SLC44A3: variants seen among roughly 807,000 people sequenced by gnomAD.
The protein encoded by SLC44A3 is solute carrier family 44 member 3, also known as choline transporter-like protein 3.
A neutral mutation model predicts 75.4 loss-of-function variants in SLC44A3; 74 were observed. That is an observed-to-expected ratio of 0.98 (90% CI 0.81 to 1.19). The LOEUF is 1.19. Ranked by LOEUF, SLC44A3 falls within the 50% of genes most tolerant of loss-of-function variation. The pLI, the probability that SLC44A3 is intolerant of heterozygous loss-of-function variation, is 0.00. For synonymous variants in SLC44A3, 310 were observed against 296.9 expected (o/e 1.04, Z -0.45); for missense variants, 700 against 778.6 (o/e 0.90, Z 1.20).
chr1:94,894,010 G>A (rs1472882725), intron 14 of SLC44A3, among the ~76,000 whole-genome samples: 3 of 152,010 alleles, frequency 2.0e-5, no homozygotes, highest in Non-Finnish European at 4.4e-5. Flanking sequence ...CAGGAGAATC[G>A]CTTGAACCCG....
chr1:94,887,072 A>C (rs568995658), intron 12 of SLC44A3, among the ~76,000 whole-genome samples: 77 of 151,898 alleles, frequency 5.1e-4, no homozygotes, highest in Admixed American at 1.1e-3. Context: ...CAACCAATAA[A>C]ACGTGTTTCC....
At chr1:94,860,236 T>C (rs996542357) in intron 10 of SLC44A3, among the ~76,000 whole-genome samples, 1 of 152,062 alleles carries the variant, frequency 6.6e-6, no homozygotes, top group Non-Finnish European at 1.5e-5. Flanking sequence ...AAGAAGGGCA[T>C]AGTGAGAAAA....
At chr1:94,861,971 C>T (rs530870286) in intron 10 of SLC44A3, among the ~76,000 whole-genome samples, 47 of 152,252 alleles carry the variant, frequency 3.1e-4, no homozygotes, top group African/African-American at 1.1e-3. Context: ...TCCAGCTGCT[C>T]TATATCTACA....
rs115558339 is a variant in SLC44A3 at position 94,859,904 on chromosome 1, A to C, written c.1238+2404A>C. Among the ~76,000 whole-genome samples, 1,102 of 152,302 alleles carry C rather than the reference A, an allele frequency of 7.2e-3. 12 individuals are homozygous for C. Among genetic ancestry groups the C allele is most frequent in the African/African-American group, 0.025 (1,058 of 41,564 alleles). On this transcript the variant is annotated intron_variant, in intron 10 of 14. Coordinates refer to ENST00000271227, the MANE Select transcript of SLC44A3 (RefSeq NM_001114106.3). Reference sequence around the variant, plus strand: ...TGCCTAACCCAAAGTAAAGACCTACAGATAGTGCCATATGGGGTCCCCCAA... The same window carrying C: ...TGCCTAACCCAAAGTAAAGACCTACCGATAGTGCCATATGGGGTCCCCCAA...
chr1:94,852,624 A>G (rs1313649743), intron 9 of SLC44A3, among the ~76,000 whole-genome samples: 1 of 152,234 alleles, frequency 6.6e-6, no homozygotes, highest in Non-Finnish European at 1.5e-5. Context: ...TTTAAGCAGA[A>G]TAAAATCTTG....
In SLC44A3 at chr1:94,881,779, T is replaced by C. The variant is rs1669021959; in HGVS notation, c.1483-9351T>C. Among the ~76,000 whole-genome samples, 3 of 148,554 alleles carry C rather than the reference T, an allele frequency of 2.0e-5. No homozygotes were observed. The Admixed American group carries it at 2.0e-4, about 10-fold the overall frequency. ...CTGTAATCCCAGCACTTTGGGAGGCTGAGGCGGGTGGATCACAGGTCAAGA... is the reference window on the plus strand; with the variant it reads ...CTGTAATCCCAGCACTTTGGGAGGCCGAGGCGGGTGGATCACAGGTCAAGA... On this transcript the variant is annotated intron_variant, in intron 12 of 14. Coordinates refer to ENST00000271227, the MANE Select transcript of SLC44A3 (RefSeq NM_001114106.3).
At chr1:94,826,146 A>G (rs976183353) in intron 3 of SLC44A3, among the ~76,000 whole-genome samples, 3 of 152,196 alleles carry the variant, frequency 2.0e-5, no homozygotes, top group Non-Finnish European at 4.4e-5. Context: ...AAATACAAAC[A>G]TTGTATGATT....
intron 12 of SLC44A3, among the ~76,000 whole-genome samples, chr1:94,878,408 C>A (rs1668564452): frequency 6.6e-6 from 1 of 152,108 alleles, no homozygotes; most frequent in Non-Finnish European, 1.5e-5. Flanking sequence ...ATATGAGGAC[C>A]CGAACGCCCT....
chr1:94,888,769 AC>A (rs1331742428), intron 12 of SLC44A3: 1 of 930,210 alleles, frequency 1.1e-6, no homozygotes, highest in Non-Finnish European at 1.3e-6. Flanking sequence ...TCGCTCTGTC[AC>A]CCAGGTTGGA....
At chr1:94,841,551 C>T (rs902588078) in intron 7 of SLC44A3, among the ~76,000 whole-genome samples, 1 of 152,196 alleles carries the variant, frequency 6.6e-6, no homozygotes, top group African/African-American at 2.4e-5. Flanking sequence ...TTCCATGATT[C>T]CCACAGGCCG....
chr1:94,891,191 T>G lies in SLC44A3; in HGVS notation c.1544T>G (p.Phe515Cys), dbSNP rs1670169168. 6.2e-7 allele frequency: 1 copy of G among 1,613,482 alleles called. No homozygotes were observed. Among genetic ancestry groups the G allele is most frequent in the African/African-American group, 1.3e-5 (1 of 74,926 alleles). Residue 515 changes from phenylalanine to cysteine, a missense_variant, in exon 13 of 15, where the codon TTC becomes TGC. Physicochemically the swap from Phe to Cys is radical, Grantham distance 205. Coordinates refer to ENST00000271227, the MANE Select transcript of SLC44A3 (RefSeq NM_001114106.3). ...TDFCTSAKDA[F>C]KILSKNSSHF... ...TTCTGTACATCAGCAAAAGATGCAT[T>G]CAAAATCTTGTCCAAGAACTCAAGT...
At chr1:94,890,696 CTT>C (rs1159285765) in intron 12 of SLC44A3, among the ~76,000 whole-genome samples, 2 of 152,160 alleles carry the variant, frequency 1.3e-5, no homozygotes, top group Non-Finnish European at 1.5e-5. Flanking sequence ...TAAAAAATAA[CTT>C]ATCGCCAGGG....
rs1175992373 is a variant in SLC44A3, at chr1:94,891,226, T to C, written c.1579T>C (p.Ser527Pro). 5 of 1,613,472 alleles carry C rather than the reference T, an allele frequency of 3.1e-6. No individual in the cohort carries two copies. The Admixed American group carries it at 8.3e-5, about 27-fold the overall frequency. The change falls in exon 13 of 15, where the codon TCT becomes CCT. Residue 527 changes from serine to proline, a missense_variant. Ser to Pro is a moderately conservative substitution (Grantham distance 74). Transcript: ENST00000271227. ...ILSKNSSHFT[S>P]INCFGDFIIF... ...GTCCAAGAACTCAAGTCACTTTACA[T>C]CTATTAACTGCTTTGGAGACTTCAT...
At chr1:94,849,054 T>A (rs1309564564) in intron 9 of SLC44A3, among the ~76,000 whole-genome samples, 1 of 144,656 alleles carries the variant, frequency 6.9e-6, no homozygotes, top group Non-Finnish European at 1.5e-5. Flanking sequence ...CCTGTGCCCC[T>A]TAACTGCCAG....
At chr1:94,820,837 A>C in intron 1 of SLC44A3, 112 bp from the exon 2 acceptor site, 1 of 1,321,608 alleles carries the variant, frequency 7.6e-7, no homozygotes. Context: ...AATTTTAAAA[A>C]TTTAGAAAAA....
chr1:94,860,555 G>A (rs147810457), intron 10 of SLC44A3, among the ~76,000 whole-genome samples: 16 of 152,286 alleles, frequency 1.1e-4, no homozygotes, highest in Middle Eastern at 3.4e-3. Flanking sequence ...ACAGGCAAAG[G>A]ATCAAGGACC....
chr1:94,869,684 G>T (rs1667550261), intron 12 of SLC44A3, among the ~76,000 whole-genome samples: 1 of 152,200 alleles, frequency 6.6e-6, no homozygotes, highest in Admixed American at 6.5e-5. Flanking sequence ...GAATAAAGAT[G>T]ATTGTAAATG....
intron 2 of SLC44A3, among the ~76,000 whole-genome samples, chr1:94,823,505 G>A (rs960268466): frequency 1.3e-5 from 2 of 152,182 alleles, no homozygotes; most frequent in Admixed American, 1.3e-4. Flanking sequence ...GGTTCCTGGA[G>A]GCAAGGAGTA....
intron 12 of SLC44A3, among the ~76,000 whole-genome samples, chr1:94,882,953 C>T (rs887304052): frequency 5.3e-5 from 8 of 149,790 alleles, no homozygotes; most frequent in African/African-American, 2.0e-4. Flanking sequence ...AGGGATCAAT[C>T]AATTGAATTT....
Sources: allele counts gnomAD v4.1 joint callset (sites outside exome capture counted in the v4.1 genomes callset), GRCh38; gene constraint gnomAD v4.1.1; transcripts MANE v1.5; gene names NCBI Gene and HGNC (gene_info 2026-07-23, HGNC 2026-07-21).